The following ADGRB2 variants were observed in gnomAD, a reference collection of about 807,000 sequenced individuals.
ADGRB2 encodes the protein brain-specific angiogenesis inhibitor 2.
A neutral mutation model predicts 178.7 loss-of-function variants in ADGRB2; 47 were observed. That is an observed-to-expected ratio of 0.26 (90% CI 0.21 to 0.34). The LOEUF (loss-of-function observed/expected upper bound fraction) is 0.34, where lower values mean the gene tolerates loss of function less well. Among genes scored for constraint, ADGRB2 ranks in the 10% least tolerant of loss-of-function variants. The pLI is 1.00. For synonymous variants in ADGRB2, 870 were observed against 912.4 expected (o/e 0.95, Z 0.84); for missense variants, 1,584 against 2,180.8 (o/e 0.73, Z 5.45).
At position 31,735,105 on chromosome 1, in the gene ADGRB2, T is replaced by C; in HGVS notation, c.3452+78A>G. 5.8e-6 allele frequency: 6 copies of C among 1,033,502 alleles called. No individual in the cohort carries two copies. The highest frequency in any genetic ancestry group is 5.4e-6 in the Non-Finnish European group (4 of 746,976). The allele number at this position is 1,033,502 out of a possible 1,614,324, so 64.0% of individuals were successfully genotyped here. On this transcript the variant is annotated intron_variant, in intron 25 of 32. Transcript: ENST00000373658. The surrounding 1 kb of genome is among the most constrained non-coding windows in gnomAD (Gnocchi z 6.0). ...GGCACTGGGCTGATATCCCTCCTCCTCCCCCCACCATGGGCACTGCCCCCC... is the reference window on the plus strand; with the variant it reads ...GGCACTGGGCTGATATCCCTCCTCCCCCCCCCACCATGGGCACTGCCCCCC...
In ADGRB2 at chr1:31,757,411, G is replaced by A. The variant is rs1002041051; in HGVS notation, c.-90C>T. The A allele has an allele frequency of 1.3e-5, 10 of 754,914 alleles. No homozygotes were observed. The highest frequency in any genetic ancestry group is 2.7e-5 in the East Asian group (1 of 37,588). The allele number at this position is 754,914 out of a possible 1,614,324, so 46.8% of individuals were successfully genotyped here. A position where few individuals can be genotyped will look rare whatever the true frequency, so the allele number is the denominator to read the frequency against. ...TTTACTGAGAGGGAGAGAAAGGGGC[G>A]GAGTTACAGCCAGTGTGCCAGGAAC... is the stretch of plus-strand genomic sequence containing the variant. On this transcript the variant is annotated 5_prime_UTR_variant, in exon 2 of 33. Transcript: ENST00000373658.
At chr1:31,746,188 C>T (rs1288507267) in intron 4 of ADGRB2, among the ~76,000 whole-genome samples, 1 of 152,168 alleles carries the variant, frequency 6.6e-6, no homozygotes, top group African/African-American at 2.4e-5. Flanking sequence ...CGTGAGGACC[C>T]CCTGCCAGGA....
chr1:31,727,325 G>A lies in ADGRB2; in HGVS notation c.*95C>T. ...GCCTCCCTGCCCAGCCCTCGGGAGAGGGGAGAGGGCGCTGGCTCCTGGGTA... is the reference window on the plus strand; with the variant it reads ...GCCTCCCTGCCCAGCCCTCGGGAGAAGGGAGAGGGCGCTGGCTCCTGGGTA... On this transcript the variant is annotated 3_prime_UTR_variant, in exon 33 of 33. Transcript: ENST00000373658. This position sits in a 1 kb window ranked among gnomAD's most constrained non-coding sequence, Gnocchi z 4.4. The A allele has an allele frequency of 4.3e-6, 6 of 1,402,690 alleles. No homozygotes were observed. The highest frequency in any genetic ancestry group is 4.7e-6 in the Non-Finnish European group (5 of 1,067,362). The allele number at this position is 1,402,690 out of a possible 1,614,324, so 86.9% of individuals were successfully genotyped here.
Position 31,735,230 on chromosome 1 carries a change from TC to T in ADGRB2, c.3404del (p.Gly1135GlufsTer41). On this transcript the variant is annotated frameshift_variant, in exon 25 of 33. Coordinates refer to ENST00000373658, the MANE Select transcript of ADGRB2 (RefSeq NM_001364857.2). LOFTEE classifies it high-confidence loss of function. The surrounding 1 kb of genome is among the most constrained non-coding windows in gnomAD (Gnocchi z 6.0). ...ASLLLPCSACGAVPSPLLSSA... is the reference protein window; with the variant it reads ...ASLLLPCSACXAVPSPLLSSA... ...AGCTGAGCAGGGGGCTGGGGACCGC[TC>T]CACACGCTGAGCAGGGGAGGAGCAG... The T allele has an allele frequency of 6.8e-7, 1 of 1,463,514 alleles. No individual in the cohort carries two copies. The highest frequency in any genetic ancestry group is 9.1e-7 in the Non-Finnish European group (1 of 1,101,882). The allele number at this position is 1,463,514 out of a possible 1,614,324, so 90.7% of individuals were successfully genotyped here.
At chr1:31,748,278 C>T (rs1035298870) in intron 4 of ADGRB2, among the ~76,000 whole-genome samples, 3 of 152,180 alleles carry the variant, frequency 2.0e-5, no homozygotes, top group African/African-American at 4.8e-5. Flanking sequence ...ATCCCTTTTC[C>T]GGCCTCCTGA....
intron 1 of ADGRB2, among the ~76,000 whole-genome samples, chr1:31,762,136 G>A (rs1438787291): frequency 6.6e-6 from 1 of 152,076 alleles, no homozygotes; most frequent in East Asian, 1.9e-4. Flanking sequence ...TGCAGACCAC[G>A]CACGCACACC....
intron 27 of ADGRB2, 134 bp from the exon 28 acceptor site, chr1:31,732,288 G>T: frequency 1.5e-6 from 2 of 1,302,308 alleles, no homozygotes; most frequent in Non-Finnish European, 2.2e-6. Context: ...ATAGCCCATG[G>T]CCCAGCAGAG....
Position 31,727,479 on chromosome 1 carries a change from G to C in ADGRB2, c.4699C>G (p.Arg1567Gly). 1 of 1,594,696 alleles carries C rather than the reference G, an allele frequency of 6.3e-7. No individual in the cohort carries two copies. Reference protein sequence around the residue: ...PKPRERLTLHRAAAWEPTEPP... With the variant: ...PKPRERLTLHGAAAWEPTEPP... ...TCTGTGGGCTCCCAGGCTGCTGCCC[G>C]GTGCAGAGTCAGCCGTTCTCGGGGC... is the stretch of plus-strand genomic sequence containing the variant. Residue 1567 changes from arginine (R) to glycine (G), a missense_variant, in exon 33 of 33, where the codon CGG becomes GGG. Coordinates refer to ENST00000373658, the MANE Select transcript of ADGRB2 (RefSeq NM_001364857.2). The surrounding 1 kb of genome is among the most constrained non-coding windows in gnomAD (Gnocchi z 4.4).
rs1057182204 is a variant in ADGRB2, at chr1:31,754,869, C to G, written c.838+1130G>C. ...GTAGAGGCCAACTCCAGGGCTCTAG[C>G]CAGCAGAGCAGGGCTGGGGACAGGC... On this transcript the variant is annotated intron_variant, in intron 4 of 32. Transcript: ENST00000373658. The surrounding 1 kb of genome is among the most constrained non-coding windows in gnomAD (Gnocchi z 5.7). Among the ~76,000 whole-genome samples, 8 of 152,242 alleles carry G rather than the reference C, an allele frequency of 5.3e-5. No individual in the cohort carries two copies. The highest frequency in any genetic ancestry group is 5.2e-4 in the Admixed American group (8 of 15,290).
intron 1 of ADGRB2, among the ~76,000 whole-genome samples, chr1:31,762,978 C>A (rs1454108063): frequency 6.6e-6 from 1 of 152,224 alleles, no homozygotes; most frequent in African/African-American, 2.4e-5. Flanking sequence ...GCTGTGCCCT[C>A]GGACCAAGCT....
rs1202470746 is a variant in ADGRB2, at chr1:31,758,934, C to A, written c.-190-1423G>T. On this transcript the variant is annotated intron_variant, in intron 1 of 32. Coordinates refer to ENST00000373658, the MANE Select transcript of ADGRB2 (RefSeq NM_001364857.2). The surrounding 1 kb of genome is among the most constrained non-coding windows in gnomAD (Gnocchi z 4.2). Reference sequence around the variant, plus strand: ...CGGCTGATGATGAGTGACATCCAATCCCCCTGCTGCCCCCAATTATTTTTA... The same window carrying A: ...CGGCTGATGATGAGTGACATCCAATACCCCTGCTGCCCCCAATTATTTTTA... Among the ~76,000 whole-genome samples the A allele has an allele frequency of 6.6e-6, 1 of 152,248 alleles. No homozygotes were observed. The highest frequency in any genetic ancestry group is 2.4e-5 in the African/African-American group (1 of 41,456).
At chr1:31,738,386 C>CAGCTACG in intron 17 of ADGRB2, 60 bp from the exon 18 acceptor site, 2 of 1,606,598 alleles carry the variant, frequency 1.2e-6, no homozygotes, top group Admixed American at 1.7e-5. Flanking sequence ...GCCCCCAGTC[C>CAGCTACG]TGGCCACTGC....
intron 3 of ADGRB2, 113 bp downstream of exon 3, chr1:31,757,088 C>T (rs2149061415): frequency 6.4e-7 from 1 of 1,563,368 alleles, no homozygotes; most frequent in East Asian, 2.2e-5. Context: ...TGCCTGGAAT[C>T]TTGTGAGCCC....
intron 1 of ADGRB2, among the ~76,000 whole-genome samples, chr1:31,763,607 T>C (rs1164310549): frequency 7.4e-6 from 1 of 134,554 alleles, no homozygotes; most frequent in Non-Finnish European, 1.6e-5. Flanking sequence ...AGGGGGAGAC[T>C]TTAGCATAGA....
chr1:31,742,286 C>T (rs751454342), intron 7 of ADGRB2, 69 bp from the exon 8 acceptor site: 34 of 1,526,142 alleles, frequency 2.2e-5, no homozygotes, highest in Non-Finnish European at 2.9e-5. Context: ...TGTGGAGAAC[C>T]ACAGGAAGAC....
At chr1:31,737,902 G>A in intron 18 of ADGRB2, 147 bp from the exon 19 acceptor site, 1 of 807,090 alleles carries the variant, frequency 1.2e-6, no homozygotes, top group Non-Finnish European at 2.0e-6. Flanking sequence ...GCACAGAACA[G>A]ACCCGGGTAT....
intron 4 of ADGRB2, among the ~76,000 whole-genome samples, chr1:31,748,843 C>G (rs1317421170): frequency 6.6e-6 from 1 of 152,214 alleles, no homozygotes; most frequent in Non-Finnish European, 1.5e-5. Flanking sequence ...ATGCCAGTCA[C>G]TGTGCACTCA....
Position 31,727,573 on chromosome 1 carries a change from C to G in ADGRB2, c.4605G>C (p.Leu1535Phe), listed in dbSNP as rs1645048053. ...AGCTCTGATGGCGCCGATGTTGGGA[C>G]AAGCTGGGGCGCTCCCCAGGGCTGG... ...DKPSPGERPS[L>F]SQHRRHQSWS... Residue 1535 changes from leucine to phenylalanine, a missense_variant, in exon 33 of 33, where the codon TTG becomes TTC. Around this residue, in one of 3 missense-constraint regions of ADGRB2, gnomAD observed 865 missense variants for 1,192.8 expected, o/e 0.73. Coordinates refer to ENST00000373658, the MANE Select transcript of ADGRB2 (RefSeq NM_001364857.2). The surrounding 1 kb of genome is among the most constrained non-coding windows in gnomAD (Gnocchi z 4.4). 5.8e-6 allele frequency: 9 copies of G among 1,563,062 alleles called. No individual in the cohort carries two copies. The highest frequency in any genetic ancestry group is 7.7e-6 in the Non-Finnish European group (9 of 1,161,740).
intron 4 of ADGRB2, among the ~76,000 whole-genome samples, chr1:31,749,287 G>A (rs1417997610): frequency 1.3e-5 from 2 of 152,144 alleles, no homozygotes; most frequent in Non-Finnish European, 2.9e-5. Flanking sequence ...GCTCCTCCAC[G>A]GCTACAGCCA....
Sources: gnomAD v4.1 joint callset for allele counts (sites outside exome capture counted in the v4.1 genomes callset) on GRCh38, gnomAD v4.1.1 for gene constraint, gnomAD v4.1.1 regional missense constraint, Gnocchi (gnomAD v3.1) non-coding constraint, MANE v1.5 for transcripts, NCBI Gene and HGNC (gene_info 2026-07-23, HGNC 2026-07-21) for gene names.